The following PIKFYVE variants were observed in gnomAD, a reference collection of about 807,000 sequenced individuals.
The protein encoded by PIKFYVE is 1-phosphatidylinositol 3-phosphate 5-kinase.
PIKFYVE carries 122 observed loss-of-function variants against 257.9 expected under a neutral mutation model. That is an observed-to-expected ratio of 0.47 (90% CI 0.41 to 0.55). The LOEUF (loss-of-function observed/expected upper bound fraction) is 0.55. PIKFYVE is among the 20% of genes least tolerant of loss of function. PIKFYVE has a pLI of 0.00. For missense variants in PIKFYVE, 2,160 were observed against 2,536.6 expected, an observed-to-expected ratio of 0.85 and a Z score of 3.19; for synonymous variants, 892 against 868.9, an observed-to-expected ratio of 1.03 and a Z score of -0.47.
chr2:208,294,281 C>G (rs1174212717), intron 7 of PIKFYVE, among the ~76,000 whole-genome samples: 1 of 152,264 alleles, frequency 6.6e-6, no homozygotes, highest in East Asian at 1.9e-4. Context: ...CTTAGAATAT[C>G]CATCTCTCTG....
rs974207196 is a variant in PIKFYVE, at chr2:208,325,397, T to G, written c.2586T>G (p.Val862=). The change falls in exon 20 of 42, where the codon GTT becomes GTG. Residue 862 remains valine, a synonymous_variant. Transcript: ENST00000264380. ...VKEILIFMIC[V]AYHSQLEISF... is the part of the protein sequence containing the mutation. ...AGATCCTAATATTTATGATCTGTGT[T>G]GCTTATCATTCTCAACTAGAAATAT... is the stretch of plus-strand genomic sequence containing the variant. 14 of 1,614,208 alleles carry G rather than the reference T, an allele frequency of 8.7e-6. No individual in the cohort carries two copies. Among genetic ancestry groups the G allele is most frequent in the Admixed American group, 1.7e-5 (1 of 60,018 alleles).
intron 32 of PIKFYVE, 34 bp downstream of exon 32, chr2:208,342,683 T>C: frequency 6.6e-7 from 1 of 1,506,580 alleles, no homozygotes; most frequent in Non-Finnish European, 9.2e-7. Context: ...TATGATGATA[T>C]CTATGTATTT....
intron 21 of PIKFYVE, among the ~76,000 whole-genome samples, 180 bp downstream of exon 21, chr2:208,328,460 T>C (rs1697183135): frequency 6.6e-6 from 1 of 152,244 alleles, no homozygotes; most frequent in African/African-American, 2.4e-5. Flanking sequence ...ACATGTTTGT[T>C]CATGAGTAGA....
chr2:208,315,394 A>G, intron 15 of PIKFYVE, 21 bp downstream of exon 15: 1 of 1,612,838 alleles, frequency 6.2e-7, no homozygotes, highest in Non-Finnish European at 8.5e-7. Context: ...CTAATGTTTT[A>G]CTAATGCTAG....
At chr2:208,318,660 G>A (rs1559115242) in intron 16 of PIKFYVE, among the ~76,000 whole-genome samples, 1 of 152,262 alleles carries the variant, frequency 6.6e-6, no homozygotes, top group East Asian at 1.9e-4. Flanking sequence ...TAGGGAAATG[G>A]TGGTACTGTA....
At chr2:208,331,863 G>A (rs1282356053) in intron 23 of PIKFYVE, among the ~76,000 whole-genome samples, 1 of 152,176 alleles carries the variant, frequency 6.6e-6, no homozygotes, top group Non-Finnish European at 1.5e-5. Context: ...TGTTCTTACC[G>A]ACTTTAGTTC....
rs1299516046 is a variant in PIKFYVE at position 208,304,349 on chromosome 2, G to T, written c.1468+31G>T. ...TTTAACTTTCTAACATTTTAGTTTT[G>T]ATGGGTCATTGCTGTGTATGTATGA... On this transcript the variant is annotated intron_variant, in intron 11 of 41. Coordinates refer to ENST00000264380, the MANE Select transcript of PIKFYVE (RefSeq NM_015040.4). 3.7e-6 allele frequency: 6 copies of T among 1,605,552 alleles called. No homozygotes were observed. The Admixed American group carries it at 8.3e-5, about 22-fold the overall frequency.
intron 17 of PIKFYVE, among the ~76,000 whole-genome samples, chr2:208,321,962 C>T (rs1481969284): frequency 3.3e-5 from 5 of 152,192 alleles, no homozygotes; most frequent in African/African-American, 1.2e-4. Flanking sequence ...ATTATATGAT[C>T]TGTTGGGAAA....
At chr2:208,288,913 T>A in intron 7 of PIKFYVE, 95 bp downstream of exon 7, 1 of 1,442,306 alleles carries the variant, frequency 6.9e-7, no homozygotes, top group Non-Finnish European at 9.7e-7. Context: ...GGATTGATTG[T>A]CATATACTTC....
In PIKFYVE at chr2:208,346,084, A is replaced by G. The variant is rs1042269684; in HGVS notation, c.5146A>G (p.Ile1716Val). Residue 1716 changes from isoleucine (I) to valine (V), a missense_variant, in exon 34 of 42, where the codon ATC becomes GTC. Ile to Val is a conservative substitution (Grantham distance 29, BLOSUM62 3). Around this residue, in one of 12 missense-constraint regions of PIKFYVE, gnomAD observed 699 missense variants for 855.8 expected, o/e 0.82. Coordinates refer to ENST00000264380, the MANE Select transcript of PIKFYVE (RefSeq NM_015040.4). Reference protein sequence around the residue: ...SDSRPKSSSPIRLPEMSGGQT... With the variant: ...SDSRPKSSSPVRLPEMSGGQT... ...TAGCAGACCAAAGAGTAGCAGCCCT[A>G]TCAGATTACCTGAAATGAGTGGAGG... 1.9e-6 allele frequency: 3 copies of G among 1,613,314 alleles called. No individual in the cohort carries two copies. Among genetic ancestry groups the G allele is most frequent in the East Asian group, 2.2e-5 (1 of 44,770 alleles).
At chr2:208,319,288 T>C (rs1018319397) in intron 16 of PIKFYVE, among the ~76,000 whole-genome samples, 3 of 152,248 alleles carry the variant, frequency 2.0e-5, no homozygotes, top group Non-Finnish European at 4.4e-5. Flanking sequence ...AATAAAAATA[T>C]ACTTGGCTTG....
intron 34 of PIKFYVE, among the ~76,000 whole-genome samples, chr2:208,347,261 A>G (rs539812652): frequency 6.6e-6 from 1 of 152,364 alleles, no homozygotes; most frequent in Non-Finnish European, 1.5e-5. Context: ...TCATATTAAT[A>G]GTATGATGAA....
chr2:208,336,343 T>C, intron 27 of PIKFYVE, 143 bp downstream of exon 27: 1 of 935,994 alleles, frequency 1.1e-6, no homozygotes, highest in South Asian at 1.5e-5. Context: ...CACTCTCCTT[T>C]CCTCTTTATA....
At chr2:208,302,514 G>A (rs1693818104) in intron 10 of PIKFYVE, 161 bp downstream of exon 10, 5 of 664,256 alleles carry the variant, frequency 7.5e-6, no homozygotes, top group Non-Finnish European at 1.1e-5. Context: ...GTAGGCAGCA[G>A]TGATGAAAAA....
chr2:208,356,592 T>C lies in PIKFYVE; in HGVS notation c.*1287T>C, dbSNP rs1184379365. On this transcript the variant is annotated 3_prime_UTR_variant, in exon 42 of 42. Transcript: ENST00000264380. ...TTGTTTGAACCTGGGAGGCGGAGGCTGCAGTGAGCTGGGATTACACCATTG... is the reference window on the plus strand; with the variant it reads ...TTGTTTGAACCTGGGAGGCGGAGGCCGCAGTGAGCTGGGATTACACCATTG... 1 of 152,712 alleles carries C rather than the reference T, an allele frequency of 6.5e-6. No individual in the cohort carries two copies. Among genetic ancestry groups the C allele is most frequent in the African/African-American group, 2.4e-5 (1 of 41,440 alleles). The allele number at this position is 152,712 out of a possible 1,614,324, so 9.5% of individuals were successfully genotyped here.
In PIKFYVE at chr2:208,315,349, C is replaced by A. The variant is rs41305979; in HGVS notation, c.1983C>A (p.Ile661=). 46,703 of 1,614,030 alleles carry A rather than the reference C, an allele frequency of 0.029. 775 individuals carry two copies. Among genetic ancestry groups the A allele is most frequent in the Non-Finnish European group, 0.036 (42,057 of 1,179,954 alleles). The stretch of plus-strand genomic sequence containing the variant: ...AGAACCAGGATGATGACATGGATAT[C>A]CGTCAGTTTGTCCACATCAAAAAAG... ...DVKNQDDDMD[I]RQFVHIKKIP... is the part of the protein sequence containing the mutation. Residue 661 remains isoleucine, a synonymous_variant, in exon 15 of 42, where the codon ATC becomes ATA. Transcript: ENST00000264380.
intron 33 of PIKFYVE, among the ~76,000 whole-genome samples, chr2:208,345,842 A>C (rs767713422): frequency 1.1e-4 from 16 of 152,116 alleles, no homozygotes; most frequent in Non-Finnish European, 1.5e-4. Flanking sequence ...TAGTTACAGC[A>C]TTTCACTTTA....
chr2:208,267,508 T>TTTG (rs1553605686), intron 1 of PIKFYVE, among the ~76,000 whole-genome samples: 1 of 144,118 alleles, frequency 6.9e-6, no homozygotes, highest in Admixed American at 6.9e-5. Context: ...GCCAGTTTTT[T>TTTG]TTTTTTTTTT....
At chr2:208,299,296 A>G (rs771338441) in intron 8 of PIKFYVE, among the ~76,000 whole-genome samples, 5 of 150,234 alleles carry the variant, frequency 3.3e-5, no homozygotes, top group Non-Finnish European at 7.4e-5. Context: ...CTTTATTATT[A>G]TTATTTTTTT....
Sources: gnomAD v4.1 joint callset for allele counts (sites outside exome capture counted in the v4.1 genomes callset) on GRCh38, gnomAD v4.1.1 for gene constraint, gnomAD v4.1.1 regional missense constraint, MANE v1.5 for transcripts, NCBI Gene and HGNC (gene_info 2026-07-23, HGNC 2026-07-21) for gene names.